GABBR2: variants seen among roughly 807,000 people sequenced by gnomAD.
GABBR2 encodes G-protein coupled receptor 51.
In GABBR2, 23 loss-of-function variants were observed where a neutral mutation model predicts 105.6. The observed-to-expected ratio is 0.22, with a 90% CI of 0.16 to 0.31. The LOEUF (loss-of-function observed/expected upper bound fraction) is 0.31. GABBR2 is among the 10% of genes least tolerant of loss of function. The pLI, the probability that GABBR2 is intolerant of heterozygous loss-of-function variation, is 1.00. For synonymous variants in GABBR2, 478 were observed against 499.7 expected (o/e 0.96, Z 0.58); for missense variants, 734 against 1,245.5 (o/e 0.59, Z 6.18).
At chr9:98,344,496 A>G (rs912182657) in intron 13 of GABBR2, among the ~76,000 whole-genome samples, 3 of 152,210 alleles carry the variant, frequency 2.0e-5, no homozygotes, top group African/African-American at 7.2e-5. Flanking sequence ...GCACAGGGCC[A>G]GTTCATGGGA....
At chr9:98,585,566 C>T (rs1829060737) in intron 1 of GABBR2, among the ~76,000 whole-genome samples, 1 of 151,568 alleles carries the variant, frequency 6.6e-6, no homozygotes, top group South Asian at 2.1e-4. Flanking sequence ...GGGTGCAGCA[C>T]ACCAACATGG....
intron 13 of GABBR2, among the ~76,000 whole-genome samples, chr9:98,349,347 TTG>T (rs1294567147): frequency 0.051 from 742 of 14,418 alleles, 124 homozygotes; most frequent in African/African-American, 0.1. Flanking sequence ...TGTTGAAGTT[TTG>T]TTTTTTTTTT....
intron 4 of GABBR2, among the ~76,000 whole-genome samples, chr9:98,481,957 G>A (rs1420917512): frequency 1.3e-5 from 2 of 152,156 alleles, no homozygotes; most frequent in Non-Finnish European, 2.9e-5. Flanking sequence ...GTTGCTTTCT[G>A]GGGCATTGGG....
At chr9:98,365,078 TTC>T (rs1293765515) in intron 12 of GABBR2, among the ~76,000 whole-genome samples, 1 of 152,206 alleles carries the variant, frequency 6.6e-6, no homozygotes. Context: ...TTCTGTGTTA[TTC>T]TCCAAGTAGG....
intron 4 of GABBR2, among the ~76,000 whole-genome samples, chr9:98,494,283 C>T (rs1393088240): frequency 6.6e-6 from 1 of 152,142 alleles, no homozygotes; most frequent in Non-Finnish European, 1.5e-5. Flanking sequence ...AGAAAATTAG[C>T]AGAAAGGGAC....
At chr9:98,584,807 C>T (rs528980914) in intron 1 of GABBR2, among the ~76,000 whole-genome samples, 1 of 152,080 alleles carries the variant, frequency 6.6e-6, no homozygotes. Context: ...TCCAACCTGC[C>T]CCCGTTAGAA....
At chr9:98,480,659 C>G (rs1276884647) in intron 5 of GABBR2, among the ~76,000 whole-genome samples, 14 of 152,150 alleles carry the variant, frequency 9.2e-5, no homozygotes, top group Admixed American at 9.2e-4. Context: ...TGGTATCTCC[C>G]TGGCTAAGTT....
chr9:98,458,790 C>G (rs918387741), intron 6 of GABBR2, among the ~76,000 whole-genome samples: 2 of 152,204 alleles, frequency 1.3e-5, no homozygotes, highest in Non-Finnish European at 2.9e-5. Context: ...ACTTAGGAAT[C>G]TGTATTTTTA....
At chr9:98,590,804 G>C (rs181340757) in intron 1 of GABBR2, among the ~76,000 whole-genome samples, 121 of 152,370 alleles carry the variant, frequency 7.9e-4, no homozygotes, top group African/African-American at 2.7e-3. Context: ...AGATGGGTAA[G>C]ACTGGGTCCT....
At position 98,533,469 on chromosome 9, in the gene GABBR2, C is replaced by T. The variant is rs115050450; in HGVS notation, c.630+8404G>A. On this transcript the variant is annotated intron_variant, in intron 3 of 18. Coordinates refer to ENST00000259455, the MANE Select transcript of GABBR2 (RefSeq NM_005458.8). ...TCACCATCCCAGGAACAGGTGGACT[C>T]AGGAAAACAGGAGGGAAAGAACTGC... is the stretch of plus-strand genomic sequence containing the variant. Among the ~76,000 whole-genome samples the T allele has an allele frequency of 2.0e-3, 305 of 152,258 alleles. 1 individual carries two copies. The highest frequency in any genetic ancestry group is 6.5e-3 in the African/African-American group (272 of 41,538).
intron 13 of GABBR2, among the ~76,000 whole-genome samples, chr9:98,344,103 T>C (rs532120900): frequency 1.3e-4 from 20 of 152,196 alleles, no homozygotes; most frequent in African/African-American, 4.6e-4. Flanking sequence ...ACCTTTCCAG[T>C]CTCCAAACAT....
At chr9:98,612,599 C>T (rs539521038) in intron 1 of GABBR2, among the ~76,000 whole-genome samples, 2 of 152,302 alleles carry the variant, frequency 1.3e-5, no homozygotes, top group East Asian at 1.9e-4. Flanking sequence ...AAGGTGGTAT[C>T]GCAAATTAAA....
chr9:98,459,187 A>G (rs567940675), intron 6 of GABBR2, among the ~76,000 whole-genome samples: 56 of 152,324 alleles, frequency 3.7e-4, no homozygotes, highest in Admixed American at 4.6e-4. Flanking sequence ...TTTAAGCAAA[A>G]TAATCTCAGT....
chr9:98,333,652 T>C (rs974283344), intron 13 of GABBR2, among the ~76,000 whole-genome samples: 7 of 152,202 alleles, frequency 4.6e-5, no homozygotes, highest in African/African-American at 1.4e-4. Context: ...ACCCTTAACA[T>C]AATGACATCT....
chr9:98,396,171 C>T (rs752596192), intron 8 of GABBR2, among the ~76,000 whole-genome samples: 5 of 152,204 alleles, frequency 3.3e-5, no homozygotes, highest in Non-Finnish European at 7.3e-5. Context: ...TCATGGACCA[C>T]CTGTGCCTCG....
chr9:98,613,079 G>A (rs1422851416), intron 1 of GABBR2, among the ~76,000 whole-genome samples: 1 of 152,120 alleles, frequency 6.6e-6, no homozygotes, highest in Non-Finnish European at 1.5e-5. Flanking sequence ...ATGCAAACAT[G>A]GCCAGTTATT....
At chr9:98,397,399 G>C (rs1282011768) in intron 8 of GABBR2, among the ~76,000 whole-genome samples, 1 of 149,166 alleles carries the variant, frequency 6.7e-6, no homozygotes, top group Non-Finnish European at 1.5e-5. Flanking sequence ...CTAGGGGCCA[G>C]AGATACAGAG....
chr9:98,414,698 C>T (rs565607097), intron 7 of GABBR2, among the ~76,000 whole-genome samples: 125 of 152,184 alleles, frequency 8.2e-4, no homozygotes, highest in Non-Finnish European at 1.3e-3. Flanking sequence ...ACTAGGTTTT[C>T]CAGGCTTCCT....
At chr9:98,557,119 T>C (rs564615139) in intron 2 of GABBR2, among the ~76,000 whole-genome samples, 3 of 152,282 alleles carry the variant, frequency 2.0e-5, no homozygotes, top group East Asian at 1.9e-4. Context: ...AGTGCTATAA[T>C]AGAAGATGAG....
Sources: allele counts gnomAD v4.1 joint callset (sites outside exome capture counted in the v4.1 genomes callset), GRCh38; gene constraint gnomAD v4.1.1; transcripts MANE v1.5; gene names NCBI Gene and HGNC (gene_info 2026-07-23, HGNC 2026-07-21).